PIM3: variants seen among roughly 807,000 people sequenced by gnomAD.
PIM3 encodes Pim-3 proto-oncogene, serine/threonine kinase, also known as serine/threonine-protein kinase pim-3.
A neutral mutation model predicts 27.5 loss-of-function variants in PIM3; 13 were observed. The ratio of observed to expected loss-of-function variants is 0.47; its 90% CI spans 0.31 to 0.75. The LOEUF (loss-of-function observed/expected upper bound fraction) is 0.75. PIM3 is among the 30% of genes least tolerant of loss of function. The probability of loss-of-function intolerance (pLI) is 0.05; values close to 1 mark genes in which losing one functional copy is unlikely to be tolerated. For synonymous variants in PIM3, 341 were observed against 221.1 expected (o/e 1.54, Z -4.81); for missense variants, 482 against 476.9 (o/e 1.01, Z -0.10).
In PIM3 at chr22:49,960,813, CGGGCCTTCCGGGCCCACT is replaced by C; in HGVS notation, c.-133_-116del. On this transcript the variant is annotated 5_prime_UTR_variant, in exon 1 of 6. Transcript: ENST00000360612. ...CTGCTGCGCGTCTACGCGGTCCCCG[CGGGCCTTCCGGGCCCACT>C]GCGCCGCGCGGACCGCCTCGGGCTC... 2 of 420,004 alleles carry C rather than the reference CGGGCCTTCCGGGCCCACT, an allele frequency of 4.8e-6. No individual in the cohort carries two copies. The highest frequency in any genetic ancestry group is 6.6e-6 in the Non-Finnish European group (2 of 301,948). 26.0% of individuals were successfully genotyped at this position (420,004 alleles called of 1,614,324 possible). A position where few individuals can be genotyped will look rare whatever the true frequency, so the allele number is the denominator to read the frequency against.
rs765491171 is a variant in PIM3, at chr22:49,962,677, G to T, written c.617-12G>T. The T allele has an allele frequency of 7.7e-5, 123 of 1,605,588 alleles. No homozygotes were observed. The highest frequency in any genetic ancestry group is 1.0e-4 in the Non-Finnish European group (121 of 1,176,766). ...CTCTGTGGTGGGCGTGCTAAGCCCT[G>T]TGTCCCCTTAGGCACCCGAGTGTAC... is the stretch of plus-strand genomic sequence containing the variant. On this transcript the variant is annotated splice_polypyrimidine_tract_variant and intron_variant, in intron 4 of 5. Coordinates refer to ENST00000360612, the MANE Select transcript of PIM3 (RefSeq NM_001001852.4).
At chr22:49,962,649 T>C in intron 4 of PIM3, 40 bp from the exon 5 acceptor site, 1 of 1,580,772 alleles carries the variant, frequency 6.3e-7, no homozygotes, top group Non-Finnish European at 8.6e-7. Flanking sequence ...TGAGCGGCTC[T>C]GCCTCTGTGG....
At position 49,961,462 on chromosome 22, in the gene PIM3, G is replaced by C. The variant is rs950570723; in HGVS notation, c.267G>C (p.Leu89=). Residue 89 remains leucine (L), a synonymous_variant, in exon 4 of 6, where the codon CTG becomes CTC. Coordinates refer to ENST00000360612, the MANE Select transcript of PIM3 (RefSeq NM_001001852.4). ...CCCAGGGCGGCGCGACCGTGCCCCT[G>C]GAGGTGGTGCTGCTGCGCAAGGTGG... is the stretch of plus-strand genomic sequence containing the variant. The part of the protein sequence containing the change: ...WGSLGGATVP[L]EVVLLRKVGA... The C allele has an allele frequency of 2.0e-6, 3 of 1,464,422 alleles. No individual in the cohort carries two copies. The African/African-American group carries it at 4.5e-5, about 22-fold the overall frequency. The allele number at this position is 1,464,422 out of a possible 1,614,324, so 90.7% of individuals were successfully genotyped here. A position where few individuals can be genotyped will look rare whatever the true frequency, so the allele number is the denominator to read the frequency against.
At chr22:49,961,096 G>A (rs562252031) in intron 1 of PIM3, 29 bp from the exon 2 acceptor site, 10 of 1,430,080 alleles carry the variant, frequency 7.0e-6, no homozygotes, top group South Asian at 1.4e-5. Context: ...GCCCCGGGCC[G>A]CACCAACCCC....
chr22:49,962,808 G>C lies in PIM3; in HGVS notation c.736G>C (p.Glu246Gln), dbSNP rs891126389. 1 of 1,612,174 alleles carries C rather than the reference G, an allele frequency of 6.2e-7. No individual in the cohort carries two copies. The highest frequency in any genetic ancestry group is 8.5e-7 in the Non-Finnish European group (1 of 1,179,962). The stretch of plus-strand genomic sequence containing the variant: ...TATGGTGTGTGGGGACATCCCCTTC[G>C]AGCAGGACGAGGAGATCCTCCGAGG... ...YDMVCGDIPF[E>Q]QDEEILRGRL... Residue 246 changes from glutamate (E) to glutamine (Q), a missense_variant, in exon 5 of 6, where the codon GAG (glutamate) becomes CAG (glutamine). By Grantham distance (29) the Glu-to-Gln change is conservative. Transcript: ENST00000360612.
rs1440622747 is a variant in PIM3 at position 49,963,428 on chromosome 22, C to T, written c.*301C>T. ...GGCGGCCTTCCCATCTGCCTGCCCACCCGGAGCTCTTTCCGCCGGCGCAGG... is the reference window on the plus strand; with the variant it reads ...GGCGGCCTTCCCATCTGCCTGCCCATCCGGAGCTCTTTCCGCCGGCGCAGG... On this transcript the variant is annotated 3_prime_UTR_variant, in exon 6 of 6. Transcript: ENST00000360612. The T allele has an allele frequency of 1.3e-5, 4 of 312,982 alleles. No individual in the cohort carries two copies. The highest frequency in any genetic ancestry group is 9.1e-5 in the South Asian group (2 of 21,918). The allele number at this position is 312,982 out of a possible 1,614,324, so 19.4% of individuals were successfully genotyped here.
intron 4 of PIM3, among the ~76,000 whole-genome samples, chr22:49,962,345 C>G (rs1406634156): frequency 2.1e-5 from 3 of 145,410 alleles, no homozygotes; most frequent in South Asian, 4.3e-4. Flanking sequence ...CTCCCTCCCT[C>G]TCTCCCCTCC....
rs1008698404 is a variant in PIM3 at position 49,960,811 on chromosome 22, C to T, written c.-137C>T. The stretch of plus-strand genomic sequence containing the variant: ...GCCTGCTGCGCGTCTACGCGGTCCC[C>T]GCGGGCCTTCCGGGCCCACTGCGCC... On this transcript the variant is annotated 5_prime_UTR_variant, in exon 1 of 6. Transcript: ENST00000360612. 18 of 419,316 alleles carry T rather than the reference C, an allele frequency of 4.3e-5. No individual in the cohort carries two copies. The highest frequency in any genetic ancestry group is 3.9e-4 in the African/African-American group (18 of 46,076). The allele number at this position is 419,316 out of a possible 1,614,324, so 26.0% of individuals were successfully genotyped here.
In PIM3 at chr22:49,960,975, G is replaced by C; in HGVS notation, c.28G>C (p.Ala10Pro). MLLSKFGSL[A>P]HLCGPGGVDH... ...GCTGCTCTCCAAGTTCGGCTCCCTG[G>C]CGCACCTCTGCGGGCCCGGCGGCGT... The change falls in exon 1 of 6, where the codon GCG (alanine) becomes CCG (proline). Residue 10 changes from alanine to proline, a missense_variant. By Grantham distance (27) the Ala-to-Pro change is conservative. Coordinates refer to ENST00000360612, the MANE Select transcript of PIM3 (RefSeq NM_001001852.4). 7.2e-7 allele frequency: 1 copy of C among 1,391,094 alleles called. No individual in the cohort carries two copies. The highest frequency in any genetic ancestry group is 1.4e-5 in the South Asian group (1 of 69,734). 86.2% of individuals were successfully genotyped at this position (1,391,094 alleles called of 1,614,324 possible).
rs1227538678 is a variant in PIM3, at chr22:49,962,711, G to A, written c.639G>A (p.Pro213=). The A allele has an allele frequency of 1.9e-6, 3 of 1,612,004 alleles. No homozygotes were observed. Among genetic ancestry groups the A allele is most frequent in the East Asian group, 2.2e-5 (1 of 44,866 alleles). ...TAGGCACCCGAGTGTACAGCCCCCC[G>A]GAGTGGATCCGCTACCACCGCTACC... ...DFDGTRVYSP[P]EWIRYHRYHG... Residue 213 remains proline, a synonymous_variant, in exon 5 of 6, where the codon CCG becomes CCA. Coordinates refer to ENST00000360612, the MANE Select transcript of PIM3 (RefSeq NM_001001852.4).
chr22:49,960,951 C>T lies in PIM3; in HGVS notation c.4C>T (p.Leu2=). The change falls in exon 1 of 6, where the codon CTG becomes TTG. Residue 2 remains leucine (L), a synonymous_variant. Coordinates refer to ENST00000360612, the MANE Select transcript of PIM3 (RefSeq NM_001001852.4). ...TCCGGGGAGGCCGTCGCCCGCGATG[C>T]TGCTCTCCAAGTTCGGCTCCCTGGC... M[L]LSKFGSLAHL... 1.5e-6 allele frequency: 2 copies of T among 1,355,934 alleles called. No individual in the cohort carries two copies. The highest frequency in any genetic ancestry group is 1.5e-5 in the South Asian group (1 of 64,948). The allele number at this position is 1,355,934 out of a possible 1,614,324, so 84.0% of individuals were successfully genotyped here.
rs775149141 is a variant in PIM3, at chr22:49,962,838, C to G, written c.766C>G (p.Leu256Val). The change falls in exon 5 of 6, where the codon CTG becomes GTG. Residue 256 changes from leucine (L) to valine (V), a missense_variant. Leu to Val is a conservative substitution (Grantham distance 32). Transcript: ENST00000360612. ...EQDEEILRGR[L>V]LFRRRVSPEC... is the part of the protein sequence containing the mutation. ...GGACGAGGAGATCCTCCGAGGCCGC[C>G]TGCTCTTCCGGAGGAGGGTCTCTCC... 1.2e-6 allele frequency: 2 copies of G among 1,610,944 alleles called. No individual in the cohort carries two copies. The highest frequency in any genetic ancestry group is 1.1e-5 in the South Asian group (1 of 91,058).
rs1342578638 is a variant in PIM3, at chr22:49,963,161, C to T, written c.*34C>T. ...ACCTGACTGGGAGCTAGGGGACCAC[C>T]TGCCTTGGCCAGACCTGGGACGCCC... is the stretch of plus-strand genomic sequence containing the variant. On this transcript the variant is annotated 3_prime_UTR_variant, in exon 6 of 6. Transcript: ENST00000360612. 2.0e-6 allele frequency: 3 copies of T among 1,524,430 alleles called. No individual in the cohort carries two copies. The highest frequency in any genetic ancestry group is 1.2e-5 in the South Asian group (1 of 81,124). 94.4% of individuals were successfully genotyped at this position (1,524,430 alleles called of 1,614,324 possible). A position where few individuals can be genotyped will look rare whatever the true frequency, so the allele number is the denominator to read the frequency against.
Position 49,963,825 on chromosome 22 carries a change from AC to A in PIM3, c.*701del, listed in dbSNP as rs2060922811. On this transcript the variant is annotated 3_prime_UTR_variant, in exon 6 of 6. Transcript: ENST00000360612. ...GTGGCTAACTTAAGGGGAGTGGGTG[AC>A]CCTGACACTTCCAGGCACTGTGCCC... is the stretch of plus-strand genomic sequence containing the variant. 1 of 152,276 alleles carries A rather than the reference AC, an allele frequency of 6.6e-6. No individual in the cohort carries two copies. The highest frequency in any genetic ancestry group is 1.5e-5 in the Non-Finnish European group (1 of 68,034). The allele number at this position is 152,276 out of a possible 1,614,324, so 9.4% of individuals were successfully genotyped here. A position where few individuals can be genotyped will look rare whatever the true frequency, so the allele number is the denominator to read the frequency against.
In PIM3 at chr22:49,962,957, C is replaced by A; in HGVS notation, c.811C>A (p.Arg271=). The A allele has an allele frequency of 1.2e-6, 2 of 1,606,726 alleles. No homozygotes were observed. Among genetic ancestry groups the A allele is most frequent in the Non-Finnish European group, 1.7e-6 (2 of 1,178,884 alleles). The change falls in exon 6 of 6, where the codon CGG becomes AGG. Residue 271 remains arginine (R), a synonymous_variant. Transcript: ENST00000360612. ...RVSPECQQLI[R]WCLSLRPSER... ...CCGCACAGAGTGCCAGCAGCTGATC[C>A]GGTGGTGCCTGTCCCTGCGGCCCTC...
Position 49,963,887 on chromosome 22 carries a change from CTGCT to C in PIM3, c.*763_*766del, listed in dbSNP as rs1314464776. The C allele has an allele frequency of 6.6e-6, 1 of 152,446 alleles. No homozygotes were observed. The highest frequency in any genetic ancestry group is 6.5e-5 in the Admixed American group (1 of 15,286). 9.4% of individuals were successfully genotyped at this position (152,446 alleles called of 1,614,324 possible). ...TTTTAAATTATTGACTTTGTACAGTCTGCTTGTGGGCTCTGAAAGCTGGGGTGGG... is the reference window on the plus strand; with the variant it reads ...TTTTAAATTATTGACTTTGTACAGTCTGTGGGCTCTGAAAGCTGGGGTGGG... On this transcript the variant is annotated 3_prime_UTR_variant, in exon 6 of 6. Coordinates refer to ENST00000360612, the MANE Select transcript of PIM3 (RefSeq NM_001001852.4).
At position 49,962,846 on chromosome 22, in the gene PIM3, C is replaced by A. The variant is rs1381722442; in HGVS notation, c.774C>A (p.Phe258Leu). 3 of 1,610,238 alleles carry A rather than the reference C, an allele frequency of 1.9e-6. No homozygotes were observed. Among genetic ancestry groups the A allele is most frequent in the Non-Finnish European group, 1.7e-6 (2 of 1,179,592 alleles). Residue 258 changes from phenylalanine to leucine, a missense_variant, in exon 5 of 6, where the codon TTC (phenylalanine) becomes TTA (leucine). By Grantham distance (22) the Phe-to-Leu change is conservative. Coordinates refer to ENST00000360612, the MANE Select transcript of PIM3 (RefSeq NM_001001852.4). Reference protein sequence around the residue: ...DEEILRGRLLFRRRVSPECQQ... With the variant: ...DEEILRGRLLLRRRVSPECQQ... ...AGATCCTCCGAGGCCGCCTGCTCTT[C>A]CGGAGGAGGGTCTCTCCAGGTGCGT...
In PIM3 at chr22:49,960,884, T is replaced by C; in HGVS notation, c.-64T>C. ...ACGGCCGGTGTCCCCGGCGCGCCGCTCGCCCGGATCGGCCGCGGCTTCGGC... is the reference window on the plus strand; with the variant it reads ...ACGGCCGGTGTCCCCGGCGCGCCGCCCGCCCGGATCGGCCGCGGCTTCGGC... On this transcript the variant is annotated 5_prime_UTR_variant, in exon 1 of 6. Transcript: ENST00000360612. 3 of 1,135,292 alleles carry C rather than the reference T, an allele frequency of 2.6e-6. No homozygotes were observed. The highest frequency in any genetic ancestry group is 3.7e-4 in the Middle Eastern group (1 of 2,700). 70.3% of individuals were successfully genotyped at this position (1,135,292 alleles called of 1,614,324 possible).
In PIM3 at chr22:49,961,004, C is replaced by T; in HGVS notation, c.57C>T (p.Asp19=). The change falls in exon 1 of 6, where the codon GAC becomes GAT. Residue 19 remains aspartate, a synonymous_variant. Coordinates refer to ENST00000360612, the MANE Select transcript of PIM3 (RefSeq NM_001001852.4). ...ACCTCTGCGGGCCCGGCGGCGTGGACCACCTCCCGGTGAAGATCCTGCAGC... is the reference window on the plus strand; with the variant it reads ...ACCTCTGCGGGCCCGGCGGCGTGGATCACCTCCCGGTGAAGATCCTGCAGC... The part of the protein sequence containing the change: ...LAHLCGPGGV[D]HLPVKILQPA... The T allele has an allele frequency of 2.2e-6, 3 of 1,393,762 alleles. No individual in the cohort carries two copies. The highest frequency in any genetic ancestry group is 3.3e-5 in the East Asian group (1 of 30,100). The allele number at this position is 1,393,762 out of a possible 1,614,324, so 86.3% of individuals were successfully genotyped here.
Sources: gnomAD v4.1 joint callset for allele counts (sites outside exome capture counted in the v4.1 genomes callset) on GRCh38, gnomAD v4.1.1 for gene constraint, MANE v1.5 for transcripts, NCBI Gene and HGNC (gene_info 2026-07-23, HGNC 2026-07-21) for gene names.